Variants in ESYT1 observed in about 807,000 individuals in gnomAD.
ESYT1 encodes extended synaptotagmin-1.
A neutral mutation model predicts 154.2 loss-of-function variants in ESYT1; 116 were observed. The ratio of observed to expected loss-of-function variants is 0.75; its 90% confidence interval spans 0.65 to 0.88. The LOEUF is 0.88. Among genes scored for constraint, ESYT1 ranks in the 40% least tolerant of loss-of-function variants. The probability of loss-of-function intolerance (pLI) is 0.00; values close to 1 mark genes in which losing one functional copy is unlikely to be tolerated. For synonymous variants in ESYT1, 500 were observed against 539.9 expected, an observed-to-expected ratio of 0.93 and a Z score of 1.02; for missense variants, 1,264 against 1,379.3, an observed-to-expected ratio of 0.92 and a Z score of 1.32.
chr12:56,133,264 C>T (rs1475331365), intron 10 of ESYT1, among the ~76,000 whole-genome samples, 153 bp from the exon 11 acceptor site: 1 of 152,194 alleles, frequency 6.6e-6, no homozygotes, highest in Non-Finnish European at 1.5e-5. Context: ...TGCACATACT[C>T]ACGCATGCAG....
In ESYT1 at chr12:56,128,709, G is replaced by T; in HGVS notation, c.390G>T (p.Trp130Cys). ...TGAGTCATCGAGAGCTACCTGCCTG[G>T]GTGAGCGACCACCCTCGGTCCTCTG... ...LYMSHRELPA[W>C]VSFPDVEKAE... The change falls in exon 1 of 31, where the codon TGG becomes TGT. Residue 130 changes from tryptophan (W) to cysteine (C), a missense_variant and splice_region_variant. By Grantham distance (215) the Trp-to-Cys change is radical. Coordinates refer to ENST00000394048, the MANE Select transcript of ESYT1 (RefSeq NM_015292.3). The T allele has an allele frequency of 6.2e-7, 1 of 1,613,226 alleles. No individual in the cohort carries two copies. Among genetic ancestry groups the T allele is most frequent in the South Asian group, 1.1e-5 (1 of 91,036 alleles).
At chr12:56,130,208 G>A (rs1212125422) in intron 1 of ESYT1, 4 of 329,792 alleles carry the variant, frequency 1.2e-5, no homozygotes. Flanking sequence ...ACCGCGGCCA[G>A]CCTGGAACCA....
intron 21 of ESYT1, 21 bp from the exon 22 acceptor site, chr12:56,138,383 G>T: frequency 6.2e-7 from 1 of 1,612,998 alleles, no homozygotes; most frequent in South Asian, 1.1e-5. Context: ...CCACTCCCCA[G>T]CCCCGTGTGC....
intron 30 of ESYT1, 69 bp from the exon 31 acceptor site, chr12:56,143,754 T>C: frequency 6.2e-7 from 1 of 1,611,978 alleles, no homozygotes; most frequent in Non-Finnish European, 8.5e-7. Flanking sequence ...GAGAAGCCCT[T>C]GGATCGTGTC....
At chr12:56,131,638 G>A in intron 6 of ESYT1, 72 bp downstream of exon 6, 1 of 1,601,556 alleles carries the variant, frequency 6.2e-7, no homozygotes, top group South Asian at 1.1e-5. Context: ...GGCAGCCAGT[G>A]AAGGGGAATG....
At position 56,137,714 on chromosome 12, in the gene ESYT1, T is replaced by C. The variant is rs775137589; in HGVS notation, c.2115+39T>C. 13 of 1,607,700 alleles carry C rather than the reference T, an allele frequency of 8.1e-6. 1 individual carries two copies. In the South Asian group the frequency reaches 1.4e-4, roughly 18 times the overall value. On this transcript the variant is annotated intron_variant, in intron 18 of 30. Coordinates refer to ENST00000394048, the MANE Select transcript of ESYT1 (RefSeq NM_015292.3). ...GGCTGTGACTCCTGGTTCTGCCCCATTTTTCCCCCAATCCCAAAAGTGGTC... is the reference window on the plus strand; with the variant it reads ...GGCTGTGACTCCTGGTTCTGCCCCACTTTTCCCCCAATCCCAAAAGTGGTC...
At chr12:56,133,306 T>G in intron 10 of ESYT1, 111 bp from the exon 11 acceptor site, 48 of 1,135,138 alleles carry the variant, frequency 4.2e-5, no homozygotes, top group Non-Finnish European at 6.0e-5. Flanking sequence ...TAAGGGAGTC[T>G]GAGATCTGCC....
Position 56,142,154 on chromosome 12 carries a change from C to A in ESYT1, c.2593-131C>A. 9.6e-7 allele frequency: 1 copy of A among 1,036,424 alleles called. No individual in the cohort carries two copies. The highest frequency in any genetic ancestry group is 1.4e-6 in the Non-Finnish European group (1 of 710,900). The allele number at this position is 1,036,424 out of a possible 1,614,324, so 64.2% of individuals were successfully genotyped here. On this transcript the variant is annotated intron_variant, in intron 24 of 30. Transcript: ENST00000394048. The surrounding 1 kb of genome is among the most constrained non-coding windows in gnomAD (Gnocchi z 4.1). Reference sequence around the variant, plus strand: ...GAGGGACTAGCAACTGTTACCATGGCTTCCCTGCCTTTCTCAAAGGGAAAT... The same window carrying A: ...GAGGGACTAGCAACTGTTACCATGGATTCCCTGCCTTTCTCAAAGGGAAAT...
intron 19 of ESYT1, 21 bp from the exon 20 acceptor site, chr12:56,138,005 C>G (rs1314383028): frequency 6.2e-7 from 1 of 1,614,160 alleles, no homozygotes; most frequent in Admixed American, 1.7e-5. Flanking sequence ...TAGCTTTTGT[C>G]TTAATCTTTC....
chr12:56,131,707 C>T (rs1171508523), intron 6 of ESYT1, 42 bp from the exon 7 acceptor site: 1 of 1,611,088 alleles, frequency 6.2e-7, no homozygotes, highest in Non-Finnish European at 8.5e-7. Context: ...GGTATGACCA[C>T]ACCCCATAGG....
chr12:56,132,561 TGAA>T lies in ESYT1; in HGVS notation c.1129_1131del (p.Glu377del). 1 of 1,614,168 alleles carries T rather than the reference TGAA, an allele frequency of 6.2e-7. No homozygotes were observed. Among genetic ancestry groups the T allele is most frequent in the Non-Finnish European group, 8.5e-7 (1 of 1,180,028 alleles). Reference sequence around the variant, plus strand: ...AGACATTCTGCAGTCGTGTCATTGATGAAGAACTCAACCCACAGTGGGGAGAGA... The same window carrying T: ...AGACATTCTGCAGTCGTGTCATTGATGAACTCAACCCACAGTGGGGAGAGA... On this transcript the variant is annotated inframe_deletion, in exon 9 of 31. Transcript: ENST00000394048.
chr12:56,137,417 A>G, intron 17 of ESYT1, 44 bp downstream of exon 17: 2 of 1,612,900 alleles, frequency 1.2e-6, no homozygotes, highest in Non-Finnish European at 1.7e-6. Flanking sequence ...TTGCCCCGCT[A>G]AGTATGCAAA....
Position 56,133,315 on chromosome 12 carries a change from C to G in ESYT1, c.1245-102C>G, listed in dbSNP as rs567131164. The G allele has an allele frequency of 1.3e-4, 163 of 1,239,632 alleles. No homozygotes were observed. The South Asian group carries it at 1.9e-3, about 14-fold the overall frequency. The allele number at this position is 1,239,632 out of a possible 1,614,324, so 76.8% of individuals were successfully genotyped here. The stretch of plus-strand genomic sequence containing the variant: ...GAGGAATAAGGGAGTCTGAGATCTG[C>G]CAGTCATTTCTGGGTGGGTGAGTGG... On this transcript the variant is annotated intron_variant, in intron 10 of 30. Transcript: ENST00000394048.
intron 15 of ESYT1, 65 bp downstream of exon 15, chr12:56,134,493 T>C: frequency 7.5e-7 from 1 of 1,339,764 alleles, no homozygotes; most frequent in Non-Finnish European, 1.1e-6. Context: ...TCTGTACCAT[T>C]TCTCCTCTCC....
rs1870279743 is a variant in ESYT1, at chr12:56,132,500, A to T, written c.1064A>T (p.Lys355Met). Residue 355 changes from lysine (K) to methionine (M), a missense_variant, in exon 9 of 31, where the codon AAG becomes ATG. By Grantham distance (95) the Lys-to-Met change is moderately conservative. Transcript: ENST00000394048. Reference protein sequence around the residue: ...DKYVKGLIEGKSDPYALVRLG... With the variant: ...DKYVKGLIEGMSDPYALVRLG... ...TATGTGAAGGGCCTGATTGAGGGCA[A>T]GTCAGACCCATATGCACTTGTGCGT... 1 of 1,614,212 alleles carries T rather than the reference A, an allele frequency of 6.2e-7. No homozygotes were observed. Among genetic ancestry groups the T allele is most frequent in the East Asian group, 2.2e-5 (1 of 44,880 alleles).
At position 56,142,348 on chromosome 12, in the gene ESYT1, G is replaced by A; in HGVS notation, c.2656G>A (p.Ala886Thr). 1 of 1,614,138 alleles carries A rather than the reference G, an allele frequency of 6.2e-7. No homozygotes were observed. Among genetic ancestry groups the A allele is most frequent in the Non-Finnish European group, 8.5e-7 (1 of 1,180,040 alleles). Residue 886 changes from alanine to threonine, a missense_variant, in exon 25 of 31, where the codon GCT (alanine) becomes ACT (threonine). Coordinates refer to ENST00000394048, the MANE Select transcript of ESYT1 (RefSeq NM_015292.3). This position sits in a 1 kb window ranked among gnomAD's most constrained non-coding sequence, Gnocchi z 4.1. Reference protein sequence around the residue: ...LSLPLSELLVADQLCLDRWFT... With the variant: ...LSLPLSELLVTDQLCLDRWFT... ...CCTGCCCCTCTCAGAGCTCCTCGTG[G>A]CTGACCAGCTCTGCTTGGACCGCTG...
chr12:56,133,262 C>T (rs979548324), intron 10 of ESYT1, among the ~76,000 whole-genome samples, 155 bp from the exon 11 acceptor site: 5 of 152,144 alleles, frequency 3.3e-5, no homozygotes, highest in Non-Finnish European at 5.9e-5. Context: ...CATGCACATA[C>T]TCACGCATGC....
In ESYT1 at chr12:56,137,629, ATGT is replaced by A; in HGVS notation, c.2074_2076del (p.Val692del). 6.2e-7 allele frequency: 1 copy of A among 1,614,188 alleles called. No homozygotes were observed. Among genetic ancestry groups the A allele is most frequent in the African/African-American group, 1.3e-5 (1 of 75,026 alleles). ...TTGGCAGGACGAAGCTTCCGGAGCC[ATGT>A]TGTTCGGGAAGATCTCAATCCCCGC... On this transcript the variant is annotated inframe_deletion, in exon 18 of 31. Coordinates refer to ENST00000394048, the MANE Select transcript of ESYT1 (RefSeq NM_015292.3).
In ESYT1 at chr12:56,130,871, A is replaced by T. The variant is rs149091796; in HGVS notation, c.513A>T (p.Gly171=). Reference sequence around the variant, plus strand: ...AAACTGTGGCTCCGGCTGTTAGGGGATCTAACCCCCATCTGCAAACATTTA... The same window carrying T: ...AAACTGTGGCTCCGGCTGTTAGGGGTTCTAACCCCCATCTGCAAACATTTA... ...LAETVAPAVR[G]SNPHLQTFTF... Residue 171 remains glycine, a synonymous_variant, in exon 3 of 31, where the codon GGA becomes GGT. Transcript: ENST00000394048. 1.2e-6 allele frequency: 2 copies of T among 1,614,014 alleles called. No individual in the cohort carries two copies. The highest frequency in any genetic ancestry group is 2.7e-5 in the African/African-American group (2 of 74,900).
Sources: gnomAD v4.1 joint callset for allele counts (sites outside exome capture counted in the v4.1 genomes callset) on GRCh38, gnomAD v4.1.1 for gene constraint, Gnocchi (gnomAD v3.1) non-coding constraint, MANE v1.5 for transcripts, NCBI Gene and HGNC (gene_info 2026-07-23, HGNC 2026-07-21) for gene names.